MTMR10: variants seen among roughly 807,000 people sequenced by gnomAD.
The protein encoded by MTMR10 is myotubularin related protein 10.
A neutral mutation model predicts 88.1 loss-of-function variants in MTMR10; 56 were observed. The observed-to-expected ratio is 0.64, with a 90% CI of 0.51 to 0.79. MTMR10 has a LOEUF of 0.79. Ranked by LOEUF, MTMR10 falls within the 30% of genes least tolerant of loss-of-function variation. The pLI, the probability that MTMR10 is intolerant of heterozygous loss-of-function variation, is 0.00. For synonymous variants in MTMR10, 380 were observed against 340.9 expected (o/e 1.11, Z -1.26); for missense variants, 883 against 924.7 (o/e 0.95, Z 0.58).
intron 9 of MTMR10, 139 bp from the exon 10 acceptor site, chr15:30,955,032 T>TC (rs1415630780): frequency 3.0e-6 from 2 of 670,898 alleles, no homozygotes; most frequent in Non-Finnish European, 4.4e-6. Flanking sequence ...TTTTTTTTTT[T>TC]TAAGACAGAA....
At chr15:30,924,470 G>C in the MTMR10 span, among the ~76,000 whole-genome samples, 2 of 152,122 alleles carry the variant, frequency 1.3e-5, no homozygotes, top group South Asian at 4.1e-4. Context: ...GAGGTTTCTG[G>C]TTTCTCTACC....
At chr15:30,946,987 A>C in intron 14 of MTMR10, 143 bp downstream of exon 14, 1 of 1,097,552 alleles carries the variant, frequency 9.1e-7, no homozygotes. Flanking sequence ...CTTCAAAATA[A>C]TCCATTCAGA....
At chr15:30,929,195 T>G in the MTMR10 span, 1 of 1,609,958 alleles carries the variant, frequency 6.2e-7, no homozygotes, top group Non-Finnish European at 8.5e-7. Context: ...GCTTTCCCTG[T>G]GACACAGGCA....
the MTMR10 span, among the ~76,000 whole-genome samples, chr15:30,924,599 C>G: frequency 6.6e-6 from 1 of 152,170 alleles, no homozygotes; most frequent in Non-Finnish European, 1.5e-5. Flanking sequence ...TTGGGAAATA[C>G]TTGTAATTCC....
intron 14 of MTMR10, chr15:30,943,718 T>A: frequency 4.1e-6 from 4 of 985,484 alleles, no homozygotes; most frequent in Non-Finnish European, 4.8e-6. Context: ...AGCCTAGTTA[T>A]CTGGCTTCCC....
chr15:30,919,349 C>T, the MTMR10 span, among the ~76,000 whole-genome samples: 1 of 141,516 alleles, frequency 7.1e-6, no homozygotes, highest in African/African-American at 2.7e-5. Context: ...CATTGCACTC[C>T]AGCCTGGGCC....
intron 5 of MTMR10, among the ~76,000 whole-genome samples, chr15:30,973,985 T>C (rs1287955386): frequency 6.6e-6 from 1 of 152,330 alleles, no homozygotes; most frequent in African/African-American, 2.4e-5. Context: ...TAACCAAACC[T>C]TAATTACAGT....
chr15:30,949,195 A>T (rs1294666359), intron 12 of MTMR10: 1 of 152,236 alleles, frequency 6.6e-6, no homozygotes, highest in Non-Finnish European at 1.5e-5. Flanking sequence ...GAATAAAAGT[A>T]AACATATTTA....
chr15:30,927,443 G>A, the MTMR10 span: 2 of 985,654 alleles, frequency 2.0e-6, no homozygotes, highest in Non-Finnish European at 2.4e-6. Context: ...CTGCAGGGAT[G>A]AGGGGCTAGA....
chr15:30,949,226 A>G (rs1179849803), intron 12 of MTMR10: 1 of 152,226 alleles, frequency 6.6e-6, no homozygotes, highest in Admixed American at 6.5e-5. Context: ...AGACATCCAC[A>G]AAAACCTACA....
Position 30,944,014 on chromosome 15 carries a change from T to A in MTMR10, c.1549-942A>T, listed in dbSNP as rs138777081. The A allele has an allele frequency of 1.6e-4, 154 of 984,924 alleles. No homozygotes were observed. In the East Asian group the frequency reaches 0.017, roughly 107 times the overall value. The allele number at this position is 984,924 out of a possible 1,614,324, so 61.0% of individuals were successfully genotyped here. A position where few individuals can be genotyped will look rare whatever the true frequency, so the allele number is the denominator to read the frequency against. On this transcript the variant is annotated intron_variant, in intron 14 of 15. Transcript: ENST00000435680. ...CTGTACCTTTCAGTACTCTCCAAAT[T>A]TTCTACCAAAAAAAAACCCCCAAGA...
chr15:30,942,072 TC>T lies in MTMR10; in HGVS notation c.1732-1del. 1 of 1,612,072 alleles carries T rather than the reference TC, an allele frequency of 6.2e-7. No homozygotes were observed. Among genetic ancestry groups the T allele is most frequent in the Non-Finnish European group, 8.5e-7 (1 of 1,178,774 alleles). On this transcript the variant is annotated splice_acceptor_variant, in intron 15 of 15. Transcript: ENST00000435680. LOFTEE classifies it high-confidence loss of function. Reference sequence around the variant, plus strand: ...CCTCTTAGTGTGGAGCTGTAGCTTTTCTATACAGAAGAGATTTTATTATGTT... The same window carrying T: ...CCTCTTAGTGTGGAGCTGTAGCTTTTTATACAGAAGAGATTTTATTATGTT...
intron 14 of MTMR10, 174 bp from the exon 15 acceptor site, chr15:30,943,246 G>A (rs919582535): frequency 7.3e-7 from 1 of 1,370,468 alleles, no homozygotes; most frequent in African/African-American, 1.5e-5. Flanking sequence ...TTTGAGCTCA[G>A]AGGGCCCCAC....
chr15:30,943,172 T>C (rs1313823795), intron 14 of MTMR10, 100 bp from the exon 15 acceptor site: 1 of 1,448,882 alleles, frequency 6.9e-7, no homozygotes, highest in Non-Finnish European at 9.1e-7. Flanking sequence ...AAATGTTCTG[T>C]ACTGCAGCCC....
rs1448275300 is a variant in MTMR10, at chr15:30,954,744, G to A, written c.1066+19C>T. ...TGTATCCTGTGTTCATTATATATATGAAATAAGAATGAAATTACCATTAAC... is the reference window on the plus strand; with the variant it reads ...TGTATCCTGTGTTCATTATATATATAAAATAAGAATGAAATTACCATTAAC... On this transcript the variant is annotated intron_variant, in intron 10 of 15. Transcript: ENST00000435680. The A allele has an allele frequency of 1.3e-6, 2 of 1,578,588 alleles. No homozygotes were observed. Among genetic ancestry groups the A allele is most frequent in the Non-Finnish European group, 1.7e-6 (2 of 1,165,030 alleles).
Position 30,941,418 on chromosome 15 carries a change from C to T in MTMR10, c.*52G>A. ...AACGCCTAGGTTAGCAATGTTAATTCAGAGGAAAAAAGTTGACAGCTTCCC... is the reference window on the plus strand; with the variant it reads ...AACGCCTAGGTTAGCAATGTTAATTTAGAGGAAAAAAGTTGACAGCTTCCC... On this transcript the variant is annotated 3_prime_UTR_variant, in exon 16 of 16. Transcript: ENST00000435680. 1 of 1,564,560 alleles carries T rather than the reference C, an allele frequency of 6.4e-7. No homozygotes were observed.
Position 30,958,937 on chromosome 15 carries a change from GCTCCA to G in MTMR10, c.856_860del (p.Trp286ProfsTer3). 1 of 1,614,006 alleles carries G rather than the reference GCTCCA, an allele frequency of 6.2e-7. No homozygotes were observed. Among genetic ancestry groups the G allele is most frequent in the South Asian group, 1.1e-5 (1 of 91,084 alleles). On this transcript the variant is annotated frameshift_variant, in exon 9 of 16. Transcript: ENST00000435680. LOFTEE classifies it high-confidence loss of function. Reference sequence around the variant, plus strand: ...GCACAAGAGCACTGCCGTTAGAGTGGCTCCAGCACCAGAGCTAGGGGAGAGGTAGA... The same window carrying G: ...GCACAAGAGCACTGCCGTTAGAGTGGGCACCAGAGCTAGGGGAGAGGTAGA...
intron 2 of MTMR10, among the ~76,000 whole-genome samples, chr15:30,989,751 T>G (rs2031185422): frequency 6.6e-5 from 2 of 30,228 alleles, no homozygotes; most frequent in Admixed American, 4.8e-4. Flanking sequence ...CCTGGCTAAT[T>G]TTTTTTTGTA....
intron 6 of MTMR10, among the ~76,000 whole-genome samples, chr15:30,961,319 C>T (rs755827342): frequency 2.0e-5 from 3 of 152,154 alleles, no homozygotes; most frequent in Non-Finnish European, 2.9e-5. Flanking sequence ...CTGCAACCTC[C>T]GCCCCCCGGG....
Sources: allele counts gnomAD v4.1 joint callset (sites outside exome capture counted in the v4.1 genomes callset), GRCh38; gene constraint gnomAD v4.1.1; transcripts MANE v1.5; gene names NCBI Gene and HGNC (gene_info 2026-07-23, HGNC 2026-07-21).